DPH6: variants seen among roughly 807,000 people sequenced by gnomAD.
DPH6 encodes the protein diphthamine biosynthesis 6.
A neutral mutation model predicts 38.2 loss-of-function variants in DPH6; 33 were observed. The observed-to-expected ratio is 0.86, with a 90% CI of 0.65 to 1.15. The LOEUF (loss-of-function observed/expected upper bound fraction) is 1.15, where lower values mean the gene tolerates loss of function less well. DPH6 is among the 50% of genes most tolerant of loss of function. The pLI is 0.00. For missense variants in DPH6, 325 were observed against 320.0 expected (o/e 1.02, Z -0.12); for synonymous variants, 108 against 103.0 (o/e 1.05, Z -0.30).
In DPH6 at chr15:35,307,278, T is replaced by C. The variant is rs145682973; in HGVS notation, n.200+66243A>G. On this transcript the variant is annotated intron_variant and non_coding_transcript_variant, in intron 3 of 3. Transcript: ENST00000560386. Reference sequence around the variant, plus strand: ...AGAGCACATCATCTCTCACTCTGTATTGGGCACAGAACATGTCACCTCAAT... The same window carrying C: ...AGAGCACATCATCTCTCACTCTGTACTGGGCACAGAACATGTCACCTCAAT... Among the ~76,000 whole-genome samples the C allele has an allele frequency of 1.3e-3, 193 of 152,198 alleles. 1 individual carries two copies. Among genetic ancestry groups the C allele is most frequent in the African/African-American group, 4.5e-3 (187 of 41,510 alleles).
At chr15:35,497,564 T>C (rs542966647) in intron 3 of DPH6, among the ~76,000 whole-genome samples, 9 of 152,172 alleles carry the variant, frequency 5.9e-5, no homozygotes. Flanking sequence ...TTCTATAACA[T>C]GGTTGATTCA....
In DPH6 at chr15:35,382,441, G is replaced by A. The variant is rs577639388; in HGVS notation, c.568-525C>T. On this transcript the variant is annotated intron_variant, in intron 6 of 8. Transcript: ENST00000256538. ...GGGAGACTCCGTCAAAAATAAAAAC[G>A]AAAAACAAAACACACACACACACAC... is the stretch of plus-strand genomic sequence containing the variant. Among the ~76,000 whole-genome samples, 11 of 139,614 alleles carry A rather than the reference G, an allele frequency of 7.9e-5. No individual in the cohort carries two copies. The South Asian group carries it at 2.1e-3, about 27-fold the overall frequency. The allele number at this position is 139,614 out of a possible 152,430, so 91.6% of individuals were successfully genotyped here.
chr15:35,482,701 A>G (rs1722092278), intron 3 of DPH6, among the ~76,000 whole-genome samples: 1 of 152,168 alleles, frequency 6.6e-6, no homozygotes, highest in Non-Finnish European at 1.5e-5. Flanking sequence ...CACACCACAT[A>G]CAAAAAATAA....
At chr15:35,296,804 C>CTTT (rs772132282) in intron 3 of DPH6, among the ~76,000 whole-genome samples, 2 of 127,354 alleles carry the variant, frequency 1.6e-5, no homozygotes, top group East Asian at 6.1e-4. Context: ...GGCCTGGCTT[C>CTTT]TTTTTTTTTT....
intron 3 of DPH6, among the ~76,000 whole-genome samples, chr15:35,364,770 TG>T (rs1223992820): frequency 2.6e-5 from 4 of 152,002 alleles, no homozygotes; most frequent in African/African-American, 9.7e-5. Flanking sequence ...TTATTTTGTT[TG>T]GGGTTCATAA....
At chr15:35,346,126 C>T (rs1390866230) in intron 3 of DPH6, among the ~76,000 whole-genome samples, 1 of 151,974 alleles carries the variant, frequency 6.6e-6, no homozygotes, top group Non-Finnish European at 1.5e-5. Flanking sequence ...GACATGCAGT[C>T]ATCTTTTCCA....
intron 3 of DPH6, among the ~76,000 whole-genome samples, chr15:35,516,100 CA>C (rs2054843217): frequency 6.6e-6 from 1 of 152,098 alleles, no homozygotes; most frequent in South Asian, 2.1e-4. Flanking sequence ...ACTTTGAGAT[CA>C]TATTCATCAC....
intron 3 of DPH6, among the ~76,000 whole-genome samples, chr15:35,235,461 AT>A (rs2051544747): frequency 1.3e-5 from 2 of 152,212 alleles, no homozygotes; most frequent in Non-Finnish European, 2.9e-5. Context: ...TGGCAAAAAA[AT>A]CCAATAAAAA....
chr15:35,238,464 C>T (rs1490502193), intron 3 of DPH6, among the ~76,000 whole-genome samples: 2 of 152,156 alleles, frequency 1.3e-5, no homozygotes, highest in Non-Finnish European at 2.9e-5. Context: ...CCTTCAGGAG[C>T]AAATGCTACT....
chr15:35,475,250 T>C (rs2054250427), intron 3 of DPH6, among the ~76,000 whole-genome samples: 1 of 152,058 alleles, frequency 6.6e-6, no homozygotes, highest in South Asian at 2.1e-4. Context: ...TGCATGTATA[T>C]CCAAGAGATT....
the DPH6 span, among the ~76,000 whole-genome samples, chr15:35,189,095 C>A: frequency 6.6e-6 from 1 of 152,150 alleles, no homozygotes; most frequent in Non-Finnish European, 1.5e-5. Flanking sequence ...GTTTCCTAAG[C>A]AACGAGATGA....
chr15:35,386,556 A>G (rs568746658), intron 6 of DPH6, among the ~76,000 whole-genome samples: 1 of 152,280 alleles, frequency 6.6e-6, no homozygotes, highest in Non-Finnish European at 1.5e-5. Context: ...GTGAGATGGT[A>G]TCTCATTGTG....
At chr15:35,309,643 A>G (rs766099200) in intron 3 of DPH6, among the ~76,000 whole-genome samples, 27 of 152,144 alleles carry the variant, frequency 1.8e-4, no homozygotes, top group Non-Finnish European at 3.7e-4. Flanking sequence ...AGATGAACCA[A>G]TTTTCCTCAA....
chr15:35,469,990 G>A (rs1004935024), intron 3 of DPH6, among the ~76,000 whole-genome samples: 13 of 152,176 alleles, frequency 8.5e-5, no homozygotes, highest in Non-Finnish European at 1.3e-4. Context: ...CTGAGGTCAG[G>A]AGTTTGAGAC....
chr15:35,303,049 C>T (rs2052064768), intron 3 of DPH6, among the ~76,000 whole-genome samples: 1 of 152,038 alleles, frequency 6.6e-6, no homozygotes, highest in Non-Finnish European at 1.5e-5. Flanking sequence ...TTAAGAACCC[C>T]AAAGGGTTGA....
chr15:35,411,941 G>A (rs1466926116), intron 5 of DPH6, among the ~76,000 whole-genome samples: 2 of 151,518 alleles, frequency 1.3e-5, no homozygotes, highest in East Asian at 3.9e-4. Flanking sequence ...ATGGTCTTGG[G>A]TATGGTGATG....
intron 6 of DPH6, among the ~76,000 whole-genome samples, chr15:35,404,763 T>C (rs2053268623): frequency 1.3e-5 from 2 of 152,102 alleles, no homozygotes; most frequent in African/African-American, 4.8e-5. Context: ...TTTGGTTGCC[T>C]GGTTGGGGGG....
downstream of DPH6, among the ~76,000 whole-genome samples, chr15:35,212,723 A>G (rs1057407543): frequency 2.0e-5 from 3 of 152,190 alleles, no homozygotes; most frequent in African/African-American, 7.2e-5. Context: ...CTTTCCTTCT[A>G]AAACTGAGTA....
intron 3 of DPH6, among the ~76,000 whole-genome samples, chr15:35,275,534 C>T (rs564402642): frequency 4.6e-5 from 7 of 152,014 alleles, no homozygotes; most frequent in Non-Finnish European, 8.8e-5. Flanking sequence ...GAGAATATCA[C>T]ACACTGGGGC....
Sources: allele counts gnomAD v4.1 joint callset (sites outside exome capture counted in the v4.1 genomes callset), GRCh38; gene constraint gnomAD v4.1.1; transcripts MANE v1.5; gene names NCBI Gene and HGNC (gene_info 2026-07-23, HGNC 2026-07-21).